RPAP3: variants seen among roughly 807,000 people sequenced by gnomAD.
The protein encoded by RPAP3 is RNA polymerase II-associated protein 3.
RPAP3 carries 58 observed loss-of-function variants against 88.8 expected under a neutral mutation model. That is an observed-to-expected ratio of 0.65 (90% CI 0.53 to 0.81). The LOEUF (loss-of-function observed/expected upper bound fraction) is 0.81. Ranked by LOEUF, RPAP3 falls within the 40% of genes least tolerant of loss-of-function variation. RPAP3 has a pLI of 0.00. For synonymous variants in RPAP3, 255 were observed against 259.9 expected (o/e 0.98, Z 0.18); for missense variants, 751 against 764.3 (o/e 0.98, Z 0.20).
At chr12:47,673,444 C>CAAAAAAAA (rs35080899) in intron 12 of RPAP3, among the ~76,000 whole-genome samples, 3 of 60,790 alleles carry the variant, frequency 4.9e-5, no homozygotes, top group Non-Finnish European at 7.4e-5. Flanking sequence ...AACTCCGTCT[C>CAAAAAAAA]AAAAAAAAAA....
intron 16 of RPAP3, 64 bp from the exon 17 acceptor site, chr12:47,663,654 T>C (rs376250394): frequency 5.5e-6 from 5 of 915,242 alleles, no homozygotes; most frequent in East Asian, 5.1e-5. Context: ...AAAATGTAAA[T>C]TAAAAGGAGC....
chr12:47,695,112 A>G (rs1309718118), intron 5 of RPAP3, among the ~76,000 whole-genome samples: 2 of 152,100 alleles, frequency 1.3e-5, no homozygotes, highest in Non-Finnish European at 2.9e-5. Flanking sequence ...AGAGGGACAG[A>G]AGGAGGGAAG....
At chr12:47,665,617 AT>A (rs1446017873) in intron 16 of RPAP3, among the ~76,000 whole-genome samples, 10 of 149,408 alleles carry the variant, frequency 6.7e-5, no homozygotes, top group Non-Finnish European at 1.3e-4. Context: ...ACATATATAT[AT>A]TTTAATATAT....
chr12:47,702,613 A>C, intron 2 of RPAP3, 75 bp downstream of exon 2: 1 of 1,245,654 alleles, frequency 8.0e-7, no homozygotes, highest in Non-Finnish European at 1.1e-6. Flanking sequence ...TATTTTCACA[A>C]AACATTTTTA....
chr12:47,669,193 A>T, intron 13 of RPAP3, 91 bp from the exon 14 acceptor site: 1 of 773,594 alleles, frequency 1.3e-6, no homozygotes. Context: ...TAAATTTTTG[A>T]CTATTAATAT....
chr12:47,687,888 T>C lies in RPAP3; in HGVS notation c.852A>G (p.Ser284=), dbSNP rs1403101674. Reference sequence around the variant, plus strand: ...AGCTTTGGATTACCCGATCTTTCTCTGAAATGGCCTGCTGCTTATTCTGTT... The same window carrying C: ...AGCTTTGGATTACCCGATCTTTCTCCGAAATGGCCTGCTGCTTATTCTGTT... ...EAQQNKQQAI[S]EKDRGNGFFK... The change falls in exon 8 of 17, where the codon TCA becomes TCG. Residue 284 remains serine, a synonymous_variant. Transcript: ENST00000005386. 6.2e-7 allele frequency: 1 copy of C among 1,612,702 alleles called. No individual in the cohort carries two copies. Among genetic ancestry groups the C allele is most frequent in the Non-Finnish European group, 8.5e-7 (1 of 1,179,322 alleles).
At position 47,690,638 on chromosome 12, in the gene RPAP3, A is replaced by G; in HGVS notation, c.547T>C (p.Phe183Leu). Residue 183 changes from phenylalanine to leucine, a missense_variant and splice_region_variant, in exon 6 of 17, where the codon TTT (phenylalanine) becomes CTT (leucine). Physicochemically the swap from Phe to Leu is conservative, Grantham distance 22. Transcript: ENST00000005386. Reference sequence around the variant, plus strand: ...TTACAATCAGACTCAGCAACAGCAAATCTGCAATTTAAAAACATTAAAATA... The same window carrying G: ...TTACAATCAGACTCAGCAACAGCAAGTCTGCAATTTAAAAACATTAAAATA... ...RASAYFRLKKFAVAESDCNLA... is the reference protein window; with the variant it reads ...RASAYFRLKKLAVAESDCNLA... The G allele has an allele frequency of 4.8e-6, 7 of 1,468,698 alleles. No individual in the cohort carries two copies. Among genetic ancestry groups the G allele is most frequent in the Non-Finnish European group, 6.4e-6 (7 of 1,098,064 alleles). 91.0% of individuals were successfully genotyped at this position (1,468,698 alleles called of 1,614,324 possible). A position where few individuals can be genotyped will look rare whatever the true frequency, so the allele number is the denominator to read the frequency against.
intron 16 of RPAP3, among the ~76,000 whole-genome samples, chr12:47,665,458 G>A (rs1425994858): frequency 6.6e-6 from 1 of 151,204 alleles, no homozygotes; most frequent in Non-Finnish European, 1.5e-5. Context: ...CCACTATAAT[G>A]GGGCAGAGTG....
chr12:47,685,213 T>C (rs565943361), intron 9 of RPAP3, among the ~76,000 whole-genome samples: 2 of 152,152 alleles, frequency 1.3e-5, no homozygotes, highest in East Asian at 3.9e-4. Flanking sequence ...ACCCCATCTC[T>C]ACTAAAAATA....
At chr12:47,680,100 A>T (rs575408745) in intron 10 of RPAP3, among the ~76,000 whole-genome samples, 3 of 152,358 alleles carry the variant, frequency 2.0e-5, no homozygotes, top group African/African-American at 7.2e-5. Flanking sequence ...TAATAGAATA[A>T]GAGAATTACA....
At position 47,662,284 on chromosome 12, in the gene RPAP3, C is replaced by T. The variant is rs1425896424; in HGVS notation, c.*1221G>A. ...AATTGCCTGTTTATATATCATAATA[C>T]ATTTAGCAATAAACAAAGTTAATAA... On this transcript the variant is annotated 3_prime_UTR_variant, in exon 17 of 17. Coordinates refer to ENST00000005386, the MANE Select transcript of RPAP3 (RefSeq NM_024604.3). 6.6e-6 allele frequency: 1 copy of T among 152,168 alleles called. No homozygotes were observed. Among genetic ancestry groups the T allele is most frequent in the Non-Finnish European group, 1.5e-5 (1 of 68,040 alleles). The allele number at this position is 152,168 out of a possible 1,614,324, so 9.4% of individuals were successfully genotyped here.
intron 16 of RPAP3, 71 bp downstream of exon 16, chr12:47,666,909 T>C (rs1426749816): frequency 1.6e-6 from 1 of 636,392 alleles, no homozygotes; most frequent in Non-Finnish European, 2.7e-6. Context: ...TCAATAAATG[T>C]CAGCTATTAT....
At position 47,670,327 on chromosome 12, in the gene RPAP3, T is replaced by A. The variant is rs368438367; in HGVS notation, c.1306A>T (p.Ile436Phe). Residue 436 changes from isoleucine (I) to phenylalanine (F), a missense_variant, in exon 13 of 17, where the codon ATT becomes TTT. Coordinates refer to ENST00000005386, the MANE Select transcript of RPAP3 (RefSeq NM_024604.3). ...PGSTKPLKKV[I>F]IEETGNLIQT... ...ATCAAATTACCAGTTTCTTCAATAA[T>A]AACCTTCTTGAGTGGTTTCTAAAAC... 3.4e-5 allele frequency: 55 copies of A among 1,596,554 alleles called. No individual in the cohort carries two copies. Among genetic ancestry groups the A allele is most frequent in the Non-Finnish European group, 4.0e-5 (47 of 1,165,798 alleles).
chr12:47,683,517 T>G (rs1026067408), intron 9 of RPAP3, among the ~76,000 whole-genome samples: 9 of 152,168 alleles, frequency 5.9e-5, no homozygotes, highest in African/African-American at 2.2e-4. Context: ...TAATTGCATG[T>G]TCTACTGTAC....
chr12:47,666,119 A>C (rs1166825333), intron 16 of RPAP3, among the ~76,000 whole-genome samples: 1 of 152,174 alleles, frequency 6.6e-6, no homozygotes, highest in African/African-American at 2.4e-5. Flanking sequence ...TTAAAAAGAA[A>C]AAAAAAGACA....
At chr12:47,698,131 ACTG>A (rs1350516264) in intron 3 of RPAP3, among the ~76,000 whole-genome samples, 1 of 152,226 alleles carries the variant, frequency 6.6e-6, no homozygotes, top group Non-Finnish European at 1.5e-5. Context: ...CTATTTTAAA[ACTG>A]CTATTTTAAA....
intron 1 of RPAP3, among the ~76,000 whole-genome samples, chr12:47,704,694 A>G (rs569530003): frequency 2.6e-5 from 4 of 151,824 alleles, no homozygotes; most frequent in Non-Finnish European, 5.9e-5. Context: ...TAGAGTTTCA[A>G]TAAGATTTTT....
Position 47,679,705 on chromosome 12 carries a change from T to C in RPAP3, c.1184A>G (p.Lys395Arg). The C allele has an allele frequency of 6.2e-7, 1 of 1,600,752 alleles. No individual in the cohort carries two copies. The highest frequency in any genetic ancestry group is 1.3e-5 in the African/African-American group (1 of 74,826). ...GTTTGGGTGAAAAGAATACATTACC[T>C]TTTTAATTTTGGAGAGTTCAGTTAC... ...QAVTELSKIKKELIEKGHWDD... is the reference protein window; with the variant it reads ...QAVTELSKIKRELIEKGHWDD... The change falls in exon 11 of 17, where the codon AAG becomes AGG. Residue 395 changes from lysine (K) to arginine (R), a missense_variant and splice_region_variant. Physicochemically the swap from Lys to Arg is conservative, Grantham distance 26. Transcript: ENST00000005386.
intron 9 of RPAP3, among the ~76,000 whole-genome samples, chr12:47,684,290 C>T (rs1050771304): frequency 2.0e-5 from 3 of 152,160 alleles, no homozygotes; most frequent in Non-Finnish European, 2.9e-5. Flanking sequence ...CTAGGAATCC[C>T]GGTTGGCCTA....
Sources: gnomAD v4.1 joint callset for allele counts (sites outside exome capture counted in the v4.1 genomes callset) on GRCh38, gnomAD v4.1.1 for gene constraint, MANE v1.5 for transcripts, NCBI Gene and HGNC (gene_info 2026-07-23, HGNC 2026-07-21) for gene names.